Variants in NAXD observed in about 807,000 individuals in gnomAD.
NAXD encodes ATP-dependent (S)-NAD(P)H-hydrate dehydratase.
Under a neutral mutation model 35.8 loss-of-function variants are expected in NAXD, and 22 were observed. The observed-to-expected ratio is 0.62, with a 90% CI of 0.44 to 0.88. The LOEUF is 0.88. NAXD is among the 40% of genes least tolerant of loss of function. The pLI is 0.00. For missense variants in NAXD, 428 were observed against 437.7 expected (o/e 0.98, Z 0.20); for synonymous variants, 189 against 177.6 (o/e 1.06, Z -0.51).
At chr13:110,616,143 T>C in intron 1 of NAXD, 1 of 246,676 alleles carries the variant, frequency 4.1e-6, no homozygotes, top group Admixed American at 5.6e-5. Flanking sequence ...GGAAAGATGC[T>C]CGCCAACTGC....
chr13:110,622,456 C>A, intron 2 of NAXD, 90 bp downstream of exon 2: 1 of 1,341,032 alleles, frequency 7.5e-7, no homozygotes, highest in Non-Finnish European at 1.0e-6. Flanking sequence ...CTAGTTTGAC[C>A]TCAGTAATCA....
rs550195580 is a variant in NAXD, at chr13:110,631,699, A to G, written c.442-2846A>G. Among the ~76,000 whole-genome samples, 5 of 152,362 alleles carry G rather than the reference A, an allele frequency of 3.3e-5. No homozygotes were observed. In the East Asian group the frequency reaches 7.7e-4, roughly 24 times the overall value. ...AAATCTGAATTAGCAAAAGCCTGCC[A>G]GTTTTAACAGTAAAGCCAAACTCAG... On this transcript the variant is annotated intron_variant, in intron 5 of 9. Coordinates refer to ENST00000680254, the MANE Select transcript of NAXD (RefSeq NM_001242882.2).
In NAXD at chr13:110,634,763, T is replaced by C; in HGVS notation, c.584T>C (p.Leu195Pro). 1.2e-6 allele frequency: 2 copies of C among 1,613,442 alleles called. No individual in the cohort carries two copies. Among genetic ancestry groups the C allele is most frequent in the East Asian group, 2.2e-5 (1 of 44,878 alleles). The change falls in exon 7 of 10, where the codon CTG (leucine) becomes CCG (proline). Residue 195 changes from leucine (L) to proline (P), a missense_variant. Around this residue, in one of 3 missense-constraint regions of NAXD, gnomAD observed 209 missense variants for 214.6 expected, o/e 0.97. Transcript: ENST00000680254. Reference protein sequence around the residue: ...LTPNHVEFSRLYDAVLRGPMD... With the variant: ...LTPNHVEFSRPYDAVLRGPMD... ...CCCAACCACGTGGAGTTCAGCAGACTGTATGACGCTGTGGTGAGTCAGTGG... is the reference window on the plus strand; with the variant it reads ...CCCAACCACGTGGAGTTCAGCAGACCGTATGACGCTGTGGTGAGTCAGTGG...
chr13:110,625,455 A>G (rs1320656329), intron 4 of NAXD, among the ~76,000 whole-genome samples, 177 bp downstream of exon 4: 4 of 152,246 alleles, frequency 2.6e-5, no homozygotes, highest in Admixed American at 2.0e-4. Context: ...AGAATAAGAC[A>G]GAGACGGCGG....
At chr13:110,634,955 G>A (rs1177584926) in intron 7 of NAXD, among the ~76,000 whole-genome samples, 179 bp downstream of exon 7, 3 of 152,230 alleles carry the variant, frequency 2.0e-5, no homozygotes, top group Non-Finnish European at 4.4e-5. Flanking sequence ...GATGAACGAT[G>A]GTGTAGTGGG....
intron 1 of NAXD, among the ~76,000 whole-genome samples, chr13:110,620,557 C>T (rs777713318): frequency 1.1e-4 from 15 of 137,696 alleles, no homozygotes; most frequent in Admixed American, 6.7e-4. Flanking sequence ...TCCAGCCTGG[C>T]GACAGAGTGA....
At chr13:110,617,172 G>T (rs901502193) in intron 1 of NAXD, among the ~76,000 whole-genome samples, 1 of 152,186 alleles carries the variant, frequency 6.6e-6, no homozygotes, top group Non-Finnish European at 1.5e-5. Context: ...TTAACTTAGG[G>T]ATTGTGGTTA....
At chr13:110,622,087 C>T (rs539818181) in intron 1 of NAXD, 129 bp from the exon 2 acceptor site, 3 of 771,072 alleles carry the variant, frequency 3.9e-6, no homozygotes, top group Non-Finnish European at 3.9e-6. Context: ...TATTTGCTTA[C>T]AGAAATCCAT....
chr13:110,634,922 T>TTCCCATTA, intron 7 of NAXD, 146 bp downstream of exon 7: 1 of 668,460 alleles, frequency 1.5e-6, no homozygotes, highest in Non-Finnish European at 2.7e-6. Flanking sequence ...ATGGCGCGTC[T>TTCCCATTA]TCCCATTAAT....
chr13:110,627,776 G>A (rs1886550328), intron 5 of NAXD, among the ~76,000 whole-genome samples: 2 of 152,230 alleles, frequency 1.3e-5, no homozygotes, highest in African/African-American at 2.4e-5. Context: ...GCAGCTGCAG[G>A]AGGTGTGTGT....
intron 9 of NAXD, 72 bp downstream of exon 9, chr13:110,637,321 G>T (rs1038914294): frequency 1.9e-6 from 3 of 1,542,802 alleles, no homozygotes; most frequent in African/African-American, 2.7e-5. Context: ...TAGCTCATGC[G>T]TTGAATAAGT....
chr13:110,616,102 T>G (rs1168734992), intron 1 of NAXD: 1 of 312,686 alleles, frequency 3.2e-6, no homozygotes, highest in Non-Finnish European at 5.9e-6. Context: ...GTCGGATCCG[T>G]CTGCTCTGCT....
intron 9 of NAXD, 86 bp downstream of exon 9, chr13:110,637,335 C>T (rs932973949): frequency 1.8e-5 from 27 of 1,473,032 alleles, no homozygotes; most frequent in Admixed American, 6.9e-5. Context: ...AATAAGTAGC[C>T]CTGGAAACAC....
Position 110,638,755 on chromosome 13 carries a change from T to C in NAXD, c.*227T>C, listed in dbSNP as rs138563329. The C allele has an allele frequency of 3.8e-4, 262 of 692,680 alleles. 3 individuals are homozygous for C. In the East Asian group the frequency reaches 6.1e-3, roughly 16 times the overall value. The allele number at this position is 692,680 out of a possible 1,614,324, so 42.9% of individuals were successfully genotyped here. ...ATGGCGACACTAAACAAAGTATTCC[T>C]GAACTTTCCTTAGCTCCTTGGTAGT... On this transcript the variant is annotated 3_prime_UTR_variant, in exon 10 of 10. Coordinates refer to ENST00000680254, the MANE Select transcript of NAXD (RefSeq NM_001242882.2). This position sits in a 1 kb window ranked among gnomAD's most constrained non-coding sequence, Gnocchi z 5.4.
At chr13:110,622,460 G>A in intron 2 of NAXD, 94 bp downstream of exon 2, 2 of 1,304,538 alleles carry the variant, frequency 1.5e-6, no homozygotes, top group Non-Finnish European at 2.1e-6. Context: ...TTTGACCTCA[G>A]TAATCATTTC....
chr13:110,622,426 C>A, intron 2 of NAXD, 60 bp downstream of exon 2: 1 of 1,558,772 alleles, frequency 6.4e-7, no homozygotes, highest in Non-Finnish European at 8.8e-7. Context: ...GGCTGCTTAC[C>A]TGACTGTCAT....
chr13:110,626,006 G>A (rs1453557569), intron 4 of NAXD, among the ~76,000 whole-genome samples: 4 of 152,116 alleles, frequency 2.6e-5, no homozygotes, highest in African/African-American at 9.7e-5. Flanking sequence ...GGTCGAGCCC[G>A]GCCTCTCCAC....
At position 110,638,353 on chromosome 13, in the gene NAXD, C is replaced by T; in HGVS notation, c.840-25C>T. On this transcript the variant is annotated intron_variant, in intron 9 of 9. Coordinates refer to ENST00000680254, the MANE Select transcript of NAXD (RefSeq NM_001242882.2). This position sits in a 1 kb window ranked among gnomAD's most constrained non-coding sequence, Gnocchi z 5.4. ...GGACCACGACGCCCACTTCCCCACA[C>T]CTCCTGCTGTCCCCCTCTCCGCAGG... 1 of 1,613,988 alleles carries T rather than the reference C, an allele frequency of 6.2e-7. No homozygotes were observed. Among genetic ancestry groups the T allele is most frequent in the Non-Finnish European group, 8.5e-7 (1 of 1,180,014 alleles).
rs1197391202 is a variant in NAXD, at chr13:110,639,652, G to T, written c.*1124G>T. On this transcript the variant is annotated 3_prime_UTR_variant, in exon 10 of 10. Transcript: ENST00000680254. ...TCTTAGCGGGGCATGGTACGGTTTC[G>T]TGCCTGACGCGTGCATTAGGGTGTT... The T allele has an allele frequency of 6.6e-6, 1 of 152,100 alleles. No homozygotes were observed. Among genetic ancestry groups the T allele is most frequent in the Non-Finnish European group, 1.5e-5 (1 of 68,022 alleles). The allele number at this position is 152,100 out of a possible 1,614,324, so 9.4% of individuals were successfully genotyped here.
Sources: allele counts gnomAD v4.1 joint callset (sites outside exome capture counted in the v4.1 genomes callset), GRCh38; gene constraint gnomAD v4.1.1; regional missense constraint gnomAD v4.1.1; non-coding constraint Gnocchi (gnomAD v3.1); transcripts MANE v1.5; gene names NCBI Gene and HGNC (gene_info 2026-07-23, HGNC 2026-07-21).